The following MYO18A variants were observed in gnomAD, a reference collection of about 807,000 sequenced individuals.
MYO18A encodes the protein unconventional myosin-XVIIIa.
MYO18A carries 78 observed loss-of-function variants against 235.8 expected under a neutral mutation model. The observed-to-expected ratio is 0.33, with a 90% CI of 0.28 to 0.40. The LOEUF is 0.40. Ranked by LOEUF, MYO18A falls within the 10% of genes least tolerant of loss-of-function variation. MYO18A has a pLI of 1.00. For synonymous variants in MYO18A, 977 were observed against 1,077.8 expected (o/e 0.91, Z 1.83); for missense variants, 2,215 against 2,699.3 (o/e 0.82, Z 3.98).
chr17:29,148,835 C>A (rs923405215), intron 2 of MYO18A, among the ~76,000 whole-genome samples: 1 of 152,186 alleles, frequency 6.6e-6, no homozygotes, highest in African/African-American at 2.4e-5. Flanking sequence ...ATGCCCAGGG[C>A]CACCCCAGCC....
At position 29,074,057 on chromosome 17, in the gene MYO18A, T is replaced by A. The variant is rs146560099; in HGVS notation, c.*713A>T. The A allele has an allele frequency of 1.0e-4, 161 of 1,613,974 alleles. No homozygotes were observed. The African/African-American group carries it at 2.0e-3, about 20-fold the overall frequency. On this transcript the variant is annotated 3_prime_UTR_variant, in exon 42 of 42. Transcript: ENST00000527372. The surrounding 1 kb of genome is among the most constrained non-coding windows in gnomAD (Gnocchi z 4.4). ...TGGTCCACACACACACTTGTCTGCG[T>A]AGGCTTGCTCAACCCAGCCCAGCAG...
Position 29,140,190 on chromosome 17 carries a change from G to C in MYO18A, c.1000-17937C>G. On this transcript the variant is annotated intron_variant, in intron 2 of 41. Coordinates refer to ENST00000527372, the MANE Select transcript of MYO18A (RefSeq NM_078471.4). This position sits in a 1 kb window ranked among gnomAD's most constrained non-coding sequence, Gnocchi z 4.2. ...TAACTCCCTTCTTACCAAGAAGCTC[G>C]GAGAGGAGCCCCAAGGCTGCCCCAC... is the stretch of plus-strand genomic sequence containing the variant. 1.3e-5 allele frequency: 5 copies of C among 392,800 alleles called. No individual in the cohort carries two copies. The South Asian group carries it at 1.3e-4, about 11-fold the overall frequency. 24.3% of individuals were successfully genotyped at this position (392,800 alleles called of 1,614,324 possible).
At chr17:29,081,100 C>T (rs933137086) in intron 41 of MYO18A, 5 of 713,500 alleles carry the variant, frequency 7.0e-6, no homozygotes, top group Non-Finnish European at 6.9e-6. Flanking sequence ...AAGTATTAAA[C>T]TCAGAGAATA....
chr17:29,150,807 G>GT (rs1441619032), intron 2 of MYO18A, among the ~76,000 whole-genome samples: 5 of 152,186 alleles, frequency 3.3e-5, no homozygotes, highest in African/African-American at 1.2e-4. Flanking sequence ...CCCTATAGAG[G>GT]ATCCTCTACC....
Position 29,074,497 on chromosome 17 carries a change from C to A in MYO18A, c.*273G>T. On this transcript the variant is annotated 3_prime_UTR_variant, in exon 42 of 42. Coordinates refer to ENST00000527372, the MANE Select transcript of MYO18A (RefSeq NM_078471.4). This position sits in a 1 kb window ranked among gnomAD's most constrained non-coding sequence, Gnocchi z 4.4. ...TGCAGTGCCAGGCCACCTGCCACTG[C>A]CCACGGTGACACAGGGTAGAAGCCA... 1 of 575,790 alleles carries A rather than the reference C, an allele frequency of 1.7e-6. No homozygotes were observed. Among genetic ancestry groups the A allele is most frequent in the South Asian group, 2.4e-5 (1 of 41,216 alleles). 35.7% of individuals were successfully genotyped at this position (575,790 alleles called of 1,614,324 possible). A position where few individuals can be genotyped will look rare whatever the true frequency, so the allele number is the denominator to read the frequency against.
Position 29,118,065 on chromosome 17 carries a change from C to T in MYO18A, c.2018G>A (p.Gly673Glu). ...WFILAAIYHL[G>E]AAGATKEAAE... The stretch of plus-strand genomic sequence containing the variant: ...GTTACCTTTGGTGGCTCCCGCAGCC[C>T]CCAGGTGGTAGATGGCAGCCAGAAT... The change falls in exon 10 of 42, where the codon GGG becomes GAG. Residue 673 changes from glycine (G) to glutamate (E), a missense_variant. Coordinates refer to ENST00000527372, the MANE Select transcript of MYO18A (RefSeq NM_078471.4). The surrounding 1 kb of genome is among the most constrained non-coding windows in gnomAD (Gnocchi z 4.2). 6.3e-7 allele frequency: 1 copy of T among 1,586,898 alleles called. No homozygotes were observed. Among genetic ancestry groups the T allele is most frequent in the Non-Finnish European group, 8.6e-7 (1 of 1,166,632 alleles).
At chr17:29,153,669 C>G (rs1003844220) in intron 2 of MYO18A, among the ~76,000 whole-genome samples, 2 of 152,156 alleles carry the variant, frequency 1.3e-5, no homozygotes, top group African/African-American at 4.8e-5. Context: ...GGCCCTCTCT[C>G]TCTCTCCTCC....
intron 30 of MYO18A, 69 bp downstream of exon 30, chr17:29,094,581 G>A (rs1444246791): frequency 1.0e-5 from 16 of 1,525,710 alleles, no homozygotes; most frequent in Admixed American, 1.7e-5. Context: ...GCCCATGCCT[G>A]AGGCTGGCTG....
chr17:29,099,720 G>A lies in MYO18A; in HGVS notation c.3550C>T (p.Arg1184Trp), dbSNP rs373632670. Residue 1184 changes from arginine to tryptophan, a missense_variant, in exon 22 of 42, where the codon CGG becomes TGG. Arg to Trp is a moderately radical substitution (Grantham distance 101). Transcript: ENST00000527372. ...AGGTTCCTGCTGGTTTGTTCATCCC[G>A]CTGCTCCTCCAGCCGTGCCAAGGTG... ...AGTLARLEEQ[R>W]DEQTSRNLTL... 57 of 1,613,340 alleles carry A rather than the reference G, an allele frequency of 3.5e-5. No homozygotes were observed. The Middle Eastern group carries it at 5.2e-4, about 15-fold the overall frequency.
At chr17:29,150,659 G>T (rs1378918926) in intron 2 of MYO18A, among the ~76,000 whole-genome samples, 1 of 152,246 alleles carries the variant, frequency 6.6e-6, no homozygotes, top group East Asian at 1.9e-4. Flanking sequence ...CTAGCCATGA[G>T]TGGCTATTCA....
At chr17:29,076,312 C>T (rs2065975220) in intron 41 of MYO18A, 1 of 148,662 alleles carries the variant, frequency 6.7e-6, no homozygotes, top group Non-Finnish European at 1.5e-5. Context: ...TTCACCCCGC[C>T]ACTCGATTGG....
intron 2 of MYO18A, 73 bp from the exon 3 acceptor site, chr17:29,122,326 C>G (rs917625144): frequency 7.2e-7 from 1 of 1,384,644 alleles, no homozygotes; most frequent in Non-Finnish European, 1.0e-6. Flanking sequence ...AGAGGGGAGA[C>G]AAGTGAGGGC....
intron 37 of MYO18A, among the ~76,000 whole-genome samples, chr17:29,089,608 A>T (rs995309785): frequency 6.6e-6 from 1 of 152,118 alleles, no homozygotes; most frequent in African/African-American, 2.4e-5. Context: ...CAGCCTGCGC[A>T]GAAGTGGCAC....
intron 21 of MYO18A, among the ~76,000 whole-genome samples, chr17:29,101,908 A>T (rs1209264120): frequency 2.0e-5 from 3 of 152,160 alleles, no homozygotes; most frequent in Non-Finnish European, 2.9e-5. Context: ...AAACACATTC[A>T]TACAAATTTT....
Position 29,115,296 on chromosome 17 carries a change from A to G in MYO18A, c.2318+55T>C, listed in dbSNP as rs758227905. 6.3e-5 allele frequency: 100 copies of G among 1,592,748 alleles called. 1 individual carries two copies. In the South Asian group the frequency reaches 1.1e-3, roughly 18 times the overall value. On this transcript the variant is annotated intron_variant, in intron 13 of 41. Coordinates refer to ENST00000527372, the MANE Select transcript of MYO18A (RefSeq NM_078471.4). The stretch of plus-strand genomic sequence containing the variant: ...GCCTCGGCCAACAAGGCATGAAGGC[A>G]TCTACTCCACCTCTGCCAAAGCAGG...
chr17:29,118,255 G>A lies in MYO18A; in HGVS notation c.1894-66C>T. On this transcript the variant is annotated intron_variant, in intron 9 of 41. Coordinates refer to ENST00000527372, the MANE Select transcript of MYO18A (RefSeq NM_078471.4). The surrounding 1 kb of genome is among the most constrained non-coding windows in gnomAD (Gnocchi z 4.2). ...ACACCCCCATGAGGCTGGGCCCTCA[G>A]GGCAAGGCTTGGGTAGAGCCAGCAG... The A allele has an allele frequency of 6.4e-7, 1 of 1,565,072 alleles. No homozygotes were observed. Among genetic ancestry groups the A allele is most frequent in the South Asian group, 1.2e-5 (1 of 85,566 alleles).
rs1452481026 is a variant in MYO18A at position 29,120,549 on chromosome 17, T to C, written c.1728+67A>G. The stretch of plus-strand genomic sequence containing the variant: ...GGAAAATGAGGCATGGGAGAGAGCC[T>C]GATGTCTAGGTCATGAAATCATGTG... On this transcript the variant is annotated intron_variant, in intron 7 of 41. Transcript: ENST00000527372. The surrounding 1 kb of genome is among the most constrained non-coding windows in gnomAD (Gnocchi z 4.2). The C allele has an allele frequency of 3.2e-6, 5 of 1,548,540 alleles. No individual in the cohort carries two copies. Among genetic ancestry groups the C allele is most frequent in the Non-Finnish European group, 4.4e-6 (5 of 1,144,706 alleles).
intron 1 of MYO18A, among the ~76,000 whole-genome samples, chr17:29,177,630 A>C (rs1472502314): frequency 6.6e-6 from 1 of 152,162 alleles, no homozygotes; most frequent in Non-Finnish European, 1.5e-5. Flanking sequence ...GACCCAAAGC[A>C]GAACTTAAAC....
chr17:29,108,396 A>G (rs1384401553), intron 19 of MYO18A, among the ~76,000 whole-genome samples: 1 of 152,206 alleles, frequency 6.6e-6, no homozygotes, highest in Admixed American at 6.5e-5. Context: ...ATCTTACCAG[A>G]GCCCAGGGTG....
Sources: gnomAD v4.1 joint callset for allele counts (sites outside exome capture counted in the v4.1 genomes callset) on GRCh38, gnomAD v4.1.1 for gene constraint, Gnocchi (gnomAD v3.1) non-coding constraint, MANE v1.5 for transcripts, NCBI Gene and HGNC (gene_info 2026-07-23, HGNC 2026-07-21) for gene names.